Variants in HDAC9 observed in about 807,000 individuals in gnomAD.
HDAC9 encodes MEF-2 interacting transcription repressor (MITR) protein.
In HDAC9, 41 loss-of-function variants were observed where a neutral mutation model predicts 139.4. The observed-to-expected ratio is 0.29, with a 90% confidence interval of 0.23 to 0.38. The LOEUF is 0.38. Among genes scored for constraint, HDAC9 ranks in the 10% least tolerant of loss-of-function variants. The probability of loss-of-function intolerance (pLI) is 1.00; values close to 1 mark genes in which losing one functional copy is unlikely to be tolerated. For synonymous variants in HDAC9, 517 were observed against 476.2 expected (o/e 1.09, Z -1.12); for missense variants, 1,147 against 1,297.0 (o/e 0.88, Z 1.78).
chr7:18,872,046 A>G (rs1179356748), intron 21 of HDAC9, among the ~76,000 whole-genome samples: 5 of 152,158 alleles, frequency 3.3e-5, no homozygotes, highest in African/African-American at 7.2e-5. Flanking sequence ...TAGTTCTTCA[A>G]TGTAATGGAA....
In HDAC9 at chr7:18,381,671, T is replaced by A. The variant is rs73056520; in HGVS notation, c.-42+91156T>A. Among the ~76,000 whole-genome samples, 229 of 152,168 alleles carry A rather than the reference T, an allele frequency of 1.5e-3. 3 individuals are homozygous for A. Among genetic ancestry groups the A allele is most frequent in the Middle Eastern group, 3.4e-3 (1 of 294 alleles). On this transcript the variant is annotated intron_variant, in intron 1 of 3. Coordinates refer to the HDAC9 transcript ENST00000413509. Reference sequence around the variant, plus strand: ...CTCAAATTTAGATAAATAATGCTGCTGAAATAATATGAAGAAAATAAAAAT... The same window carrying A: ...CTCAAATTTAGATAAATAATGCTGCAGAAATAATATGAAGAAAATAAAAAT...
At chr7:18,361,772 C>T (rs540527150) in intron 1 of HDAC9, among the ~76,000 whole-genome samples, 1 of 151,638 alleles carries the variant, frequency 6.6e-6, no homozygotes, top group Non-Finnish European at 1.5e-5. Context: ...GTCCATAGTC[C>T]ACAAAACACT....
chr7:18,260,358 G>A (rs1433742517), intron 2 of HDAC9, among the ~76,000 whole-genome samples: 6 of 128,794 alleles, frequency 4.7e-5, no homozygotes, highest in South Asian at 5.0e-4. Context: ...GAACTCTGTC[G>A]CCCAGGCTGG....
chr7:18,296,497 A>C (rs1324802467), intron 1 of HDAC9, among the ~76,000 whole-genome samples: 1 of 152,136 alleles, frequency 6.6e-6, no homozygotes, highest in African/African-American at 2.4e-5. Context: ...ATGGAATTTA[A>C]CCATTATCAA....
At chr7:18,090,966 C>G (rs1018995534) in intron 1 of HDAC9, among the ~76,000 whole-genome samples, 1 of 152,138 alleles carries the variant, frequency 6.6e-6, no homozygotes, top group Admixed American at 6.5e-5. Flanking sequence ...TGATTTGTAA[C>G]ACTAAAGTGA....
At chr7:18,328,168 T>C (rs986294042) in intron 1 of HDAC9, among the ~76,000 whole-genome samples, 2 of 151,946 alleles carry the variant, frequency 1.3e-5, no homozygotes, top group South Asian at 4.1e-4. Flanking sequence ...CCTATTGAAA[T>C]TGGAGAGGAA....
At chr7:18,684,364 G>A (rs754725328) in intron 12 of HDAC9, among the ~76,000 whole-genome samples, 2 of 151,624 alleles carry the variant, frequency 1.3e-5, no homozygotes, top group Non-Finnish European at 2.9e-5. Context: ...GTTAGGCCAG[G>A]TGCAGTGGCT....
intron 1 of HDAC9, among the ~76,000 whole-genome samples, chr7:18,393,302 A>G (rs1786716948): frequency 6.6e-6 from 1 of 152,128 alleles, no homozygotes; most frequent in South Asian, 2.1e-4. Flanking sequence ...TAGAATTAGG[A>G]AAAATGTATT....
intron 1 of HDAC9, among the ~76,000 whole-genome samples, chr7:18,468,434 A>T (rs1475169292): frequency 2.0e-5 from 3 of 146,804 alleles, no homozygotes; most frequent in East Asian, 4.0e-4. Context: ...GGAAGGTGTA[A>T]TTTTTTTTTT....
intron 1 of HDAC9, among the ~76,000 whole-genome samples, chr7:18,359,834 C>T (rs1183202604): frequency 6.6e-6 from 1 of 152,192 alleles, no homozygotes; most frequent in Non-Finnish European, 1.5e-5. Flanking sequence ...GTCTTGAACT[C>T]CTGACCTCAG....
At chr7:18,638,566 C>T (rs918712624) in intron 8 of HDAC9, among the ~76,000 whole-genome samples, 2 of 151,984 alleles carry the variant, frequency 1.3e-5, no homozygotes, top group African/African-American at 4.8e-5. Flanking sequence ...AAGGTAGTAC[C>T]GTAATACCTA....
At chr7:18,110,953 A>G (rs550590978) in intron 1 of HDAC9, among the ~76,000 whole-genome samples, 1 of 152,174 alleles carries the variant, frequency 6.6e-6, no homozygotes, top group Non-Finnish European at 1.5e-5. Flanking sequence ...ATTAGAATTC[A>G]GGAGAGAAAC....
At chr7:18,381,699 CTT>C (rs1287179609) in intron 1 of HDAC9, among the ~76,000 whole-genome samples, 4 of 151,762 alleles carry the variant, frequency 2.6e-5, no homozygotes, top group Admixed American at 6.6e-5. Flanking sequence ...ATAAAAATAA[CTT>C]AAATAATAAA....
chr7:18,686,147 G>T (rs1437096789), intron 12 of HDAC9, among the ~76,000 whole-genome samples: 2 of 151,948 alleles, frequency 1.3e-5, no homozygotes, highest in African/African-American at 4.8e-5. Flanking sequence ...AATTTGTGGT[G>T]ATACAGTAAC....
At chr7:18,975,695 A>G (rs1784505653) in intron 24 of HDAC9, 111 bp from the exon 25 acceptor site, 1 of 1,001,326 alleles carries the variant, frequency 1.0e-6, no homozygotes, top group African/African-American at 1.6e-5. Flanking sequence ...AACTGTGTAT[A>G]ACATGGGGAA....
At chr7:18,360,224 T>C (rs569055482) in intron 1 of HDAC9, among the ~76,000 whole-genome samples, 2 of 152,250 alleles carry the variant, frequency 1.3e-5, no homozygotes, top group African/African-American at 2.4e-5. Context: ...TTTAAACATT[T>C]ATGGCAAAAC....
intron 22 of HDAC9, among the ~76,000 whole-genome samples, 180 bp downstream of exon 22, chr7:18,874,776 A>C (rs1357150594): frequency 6.6e-6 from 1 of 152,176 alleles, no homozygotes; most frequent in Non-Finnish European, 1.5e-5. Context: ...GCCTTTAAGA[A>C]AAACAAAGTT....
intron 2 of HDAC9, among the ~76,000 whole-genome samples, chr7:18,261,095 G>A (rs186976044): frequency 6.6e-6 from 1 of 152,138 alleles, no homozygotes; most frequent in African/African-American, 2.4e-5. Flanking sequence ...TTGAGCCTAG[G>A]AGTTTGAGAC....
chr7:18,901,611 G>C (rs1331576377), intron 22 of HDAC9, among the ~76,000 whole-genome samples: 1 of 152,068 alleles, frequency 6.6e-6, no homozygotes, highest in African/African-American at 2.4e-5. Context: ...CCACATAATT[G>C]CTAGACTTAA....
Sources: gnomAD v4.1 joint callset for allele counts (sites outside exome capture counted in the v4.1 genomes callset) on GRCh38, gnomAD v4.1.1 for gene constraint, MANE v1.5 for transcripts, NCBI Gene and HGNC (gene_info 2026-07-23, HGNC 2026-07-21) for gene names.